The following EPM2A variants were observed in gnomAD, a reference collection of about 807,000 sequenced individuals.
EPM2A encodes EPM2A glucan phosphatase, laforin, also known as laforin.
A neutral mutation model predicts 26.5 loss-of-function variants in EPM2A; 21 were observed. The ratio of observed to expected loss-of-function variants is 0.79; its 90% CI spans 0.56 to 1.14. EPM2A has a LOEUF of 1.14. Ranked by LOEUF, EPM2A falls within the 50% of genes most tolerant of loss-of-function variation. The pLI, the probability that EPM2A is intolerant of heterozygous loss-of-function variation, is 0.00. For missense variants in EPM2A, 458 were observed against 440.8 expected, an observed-to-expected ratio of 1.04 and a Z score of -0.35; for synonymous variants, 217 against 177.6, an observed-to-expected ratio of 1.22 and a Z score of -1.76.
At chr6:145,494,807 A>C (rs373534491) in intron 4 of EPM2A, among the ~76,000 whole-genome samples, 2 of 152,162 alleles carry the variant, frequency 1.3e-5, no homozygotes, top group African/African-American at 4.8e-5. Context: ...TGAATTGCTT[A>C]ATCATGGTTT....
At chr6:145,686,092 C>T (rs1780885836) in intron 2 of EPM2A, 30 bp downstream of exon 2, 1 of 1,586,370 alleles carries the variant, frequency 6.3e-7, no homozygotes. Context: ...TGTCCTACTT[C>T]TATGCCTATA....
intron 2 of EPM2A, among the ~76,000 whole-genome samples, chr6:145,600,532 G>A (rs1184855266): frequency 1.3e-5 from 2 of 152,122 alleles, no homozygotes; most frequent in African/African-American, 4.8e-5. Flanking sequence ...TGATTTGTAG[G>A]TTACTGGCAA....
chr6:145,607,428 A>G (rs1775286295), intron 2 of EPM2A, among the ~76,000 whole-genome samples: 1 of 152,082 alleles, frequency 6.6e-6, no homozygotes, highest in African/African-American at 2.4e-5. Context: ...CATTCTGGAG[A>G]ACATAATCAG....
At chr6:145,440,608 A>G (rs946493961) in intron 4 of EPM2A, among the ~76,000 whole-genome samples, 2 of 152,194 alleles carry the variant, frequency 1.3e-5, no homozygotes, top group African/African-American at 4.8e-5. Flanking sequence ...CCAGTTAGTT[A>G]CTTCCTAGAT....
chr6:145,640,797 A>G (rs1777033228), intron 2 of EPM2A: 1 of 152,200 alleles, frequency 6.6e-6, no homozygotes, highest in Non-Finnish European at 1.5e-5. Context: ...TCAGTAGCAC[A>G]TACAGCTCCT....
At chr6:145,469,924 A>C (rs76484759) in intron 4 of EPM2A, among the ~76,000 whole-genome samples, 5,891 of 152,272 alleles carry the variant, frequency 0.039, 163 homozygotes, top group African/African-American at 0.074. Flanking sequence ...AGGCACAGAA[A>C]GAGAAACTTT....
intron 2 of EPM2A, among the ~76,000 whole-genome samples, chr6:145,617,951 T>A (rs554467998): frequency 1.2e-4 from 18 of 152,112 alleles, no homozygotes; most frequent in South Asian, 4.2e-4. Context: ...TCAAAAAAAA[T>A]TTTTTTAATT....
chr6:145,597,321 T>A (rs187157863), intron 2 of EPM2A, among the ~76,000 whole-genome samples: 2 of 152,328 alleles, frequency 1.3e-5, no homozygotes, highest in African/African-American at 2.4e-5. Context: ...ATTCTGAAAA[T>A]ATCTTCTTCT....
chr6:145,559,112 C>A (rs1285585243), intron 2 of EPM2A, among the ~76,000 whole-genome samples: 1 of 152,090 alleles, frequency 6.6e-6, no homozygotes, highest in Non-Finnish European at 1.5e-5. Context: ...AAAAAGAGAT[C>A]ATCAGTAACT....
At chr6:145,660,924 C>T (rs2128587661) in intron 2 of EPM2A, among the ~76,000 whole-genome samples, 1 of 152,168 alleles carries the variant, frequency 6.6e-6, no homozygotes, top group South Asian at 2.1e-4. Context: ...TGTGTTTAGA[C>T]TTGGACTTCA....
At chr6:145,419,200 C>A (rs1260261931) in intron 4 of EPM2A, among the ~76,000 whole-genome samples, 1 of 136,566 alleles carries the variant, frequency 7.3e-6, no homozygotes, top group African/African-American at 2.6e-5. Flanking sequence ...CCGCTCCTTT[C>A]CCCAGCAGCG....
chr6:145,492,737 C>G (rs75098938), intron 4 of EPM2A, among the ~76,000 whole-genome samples: 2,221 of 152,304 alleles, frequency 0.015, 64 homozygotes, highest in African/African-American at 0.05. Flanking sequence ...CAAGCCATCC[C>G]TCTGAAGTCA....
chr6:145,499,301 A>C (rs1021378628), downstream of EPM2A, among the ~76,000 whole-genome samples: 2 of 152,196 alleles, frequency 1.3e-5, no homozygotes, highest in East Asian at 3.8e-4. Context: ...ATTTTTTAGA[A>C]TCAAACAGCA....
At chr6:145,686,091 T>C (rs767542985) in intron 2 of EPM2A, 31 bp downstream of exon 2, 5 of 1,585,710 alleles carry the variant, frequency 3.2e-6, no homozygotes, top group Admixed American at 3.3e-5. Context: ...TTGTCCTACT[T>C]CTATGCCTAT....
rs117248758 is a variant in EPM2A at position 145,731,068 on chromosome 6, C to A, written c.301+4130G>T. On this transcript the variant is annotated intron_variant, in intron 1 of 3. Transcript: ENST00000367519. ...ATGTCTACAGACCCACACGACAGAC[C>A]TAGAGGTAAAAAAAAAAAGGAAACT... 4.1e-3 allele frequency among the ~76,000 whole-genome samples: 617 copies of A among 149,610 alleles called. 2 individuals carry two copies. The highest frequency in any genetic ancestry group is 6.5e-3 in the Non-Finnish European group (440 of 67,934).
At chr6:145,449,449 G>T (rs1323060613) in intron 4 of EPM2A, among the ~76,000 whole-genome samples, 1 of 152,078 alleles carries the variant, frequency 6.6e-6, no homozygotes, top group East Asian at 1.9e-4. Context: ...TTCTAATTTT[G>T]TTGAGAAAAA....
rs1258739581 is a variant in EPM2A at position 145,464,406 on chromosome 6, G to C, written c.555+38116C>G. ...GTGTAAATGGACTAATACACAACTT[G>C]TACACACACCTACAGAGTTATTCAG... On this transcript the variant is annotated intron_variant, in intron 4 of 4. Transcript: ENST00000638717. Among the ~76,000 whole-genome samples the C allele has an allele frequency of 2.0e-5, 3 of 152,074 alleles. No homozygotes were observed. The East Asian group carries it at 5.8e-4, about 29-fold the overall frequency.
At chr6:145,628,521 T>C (rs1295309155) in intron 3 of EPM2A, 1 of 152,246 alleles carries the variant, frequency 6.6e-6, no homozygotes, top group Non-Finnish European at 1.5e-5. Flanking sequence ...TCACAGGTTC[T>C]CAGTACAGAG....
chr6:145,517,785 T>C (rs1780149559), intron 2 of EPM2A, among the ~76,000 whole-genome samples: 1 of 152,108 alleles, frequency 6.6e-6, no homozygotes, highest in Non-Finnish European at 1.5e-5. Context: ...CAGGCCCTAT[T>C]TGAACAGAAA....
Sources: gnomAD v4.1 joint callset for allele counts (sites outside exome capture counted in the v4.1 genomes callset) on GRCh38, gnomAD v4.1.1 for gene constraint, MANE v1.5 for transcripts, NCBI Gene and HGNC (gene_info 2026-07-23, HGNC 2026-07-21) for gene names.